STX8: variants seen among roughly 807,000 people sequenced by gnomAD.
STX8 encodes syntaxin 8.
STX8 carries 23 observed loss-of-function variants against 37.5 expected under a neutral mutation model. The observed-to-expected ratio is 0.61, with a 90% confidence interval of 0.44 to 0.87. The LOEUF is 0.87. Ranked by LOEUF, STX8 falls within the 40% of genes least tolerant of loss-of-function variation. The probability of loss-of-function intolerance (pLI) is 0.00; values close to 1 mark genes in which losing one functional copy is unlikely to be tolerated. For synonymous variants in STX8, 115 were observed against 99.1 expected (o/e 1.16, Z -0.95); for missense variants, 313 against 284.7 (o/e 1.10, Z -0.71).
chr17:9,455,958 T>C (rs544335341), intron 6 of STX8, among the ~76,000 whole-genome samples: 22 of 152,252 alleles, frequency 1.4e-4, no homozygotes, highest in Admixed American at 1.2e-3. Flanking sequence ...CCATCTGCAG[T>C]GTACAGCTCA....
intron 4 of STX8, among the ~76,000 whole-genome samples, chr17:9,534,134 G>A (rs887454623): frequency 2.4e-4 from 36 of 151,948 alleles, no homozygotes; most frequent in Admixed American, 1.6e-3. Flanking sequence ...AGAGAATTAA[G>A]AAAATGGCTT....
At chr17:9,504,760 G>A (rs1904755281) in intron 5 of STX8, among the ~76,000 whole-genome samples, 1 of 151,824 alleles carries the variant, frequency 6.6e-6, no homozygotes, top group Non-Finnish European at 1.5e-5. Context: ...AGATCATGAG[G>A]TCAGGAGATC....
At chr17:9,573,391 T>C (rs564191980) in intron 1 of STX8, among the ~76,000 whole-genome samples, 4 of 152,288 alleles carry the variant, frequency 2.6e-5, no homozygotes, top group African/African-American at 9.6e-5. Flanking sequence ...TTTCTATTGA[T>C]AATAACTCAA....
intron 6 of STX8, among the ~76,000 whole-genome samples, chr17:9,478,231 G>C (rs888063031): frequency 2.0e-5 from 3 of 152,174 alleles, no homozygotes; most frequent in African/African-American, 7.2e-5. Context: ...TGCTTCCCGG[G>C]TTCAAGTGAT....
intron 6 of STX8, among the ~76,000 whole-genome samples, chr17:9,445,488 G>C (rs906149536): frequency 7.6e-6 from 1 of 131,584 alleles, no homozygotes; most frequent in African/African-American, 2.9e-5. Context: ...AGTGGTGGCC[G>C]GGGAGGGGGG....
intron 7 of STX8, among the ~76,000 whole-genome samples, chr17:9,326,963 C>T (rs1292578060): frequency 1.3e-5 from 2 of 152,028 alleles, no homozygotes; most frequent in Non-Finnish European, 2.9e-5. Context: ...AGTTCAAGAC[C>T]AGCCTGACCA....
At chr17:9,345,848 C>CTTTTTTTTCTTTTTTTTT (rs1910513069) in intron 7 of STX8, among the ~76,000 whole-genome samples, 1 of 52,076 alleles carries the variant, frequency 1.9e-5, no homozygotes, top group Non-Finnish European at 3.4e-5. Context: ...TTATGCATTC[C>CTTTTTTTTCTTTTTTTTT]TTTTTTTTTT....
intron 7 of STX8, among the ~76,000 whole-genome samples, chr17:9,372,755 C>T (rs947335047): frequency 1.6e-4 from 24 of 147,470 alleles, no homozygotes; most frequent in African/African-American, 5.9e-4. Flanking sequence ...GGATTACAGG[C>T]ATGAGCCACC....
chr17:9,552,458 T>C (rs1429480195), intron 3 of STX8, among the ~76,000 whole-genome samples: 1 of 152,202 alleles, frequency 6.6e-6, no homozygotes, highest in African/African-American at 2.4e-5. Flanking sequence ...ACAGGGACAG[T>C]GTTTGAAAAC....
intron 6 of STX8, among the ~76,000 whole-genome samples, chr17:9,388,823 A>C (rs934771169): frequency 6.6e-6 from 1 of 151,908 alleles, no homozygotes; most frequent in Non-Finnish European, 1.5e-5. Context: ...AAAAAAAAAA[A>C]AAAAAACCAT....
At chr17:9,412,570 C>T (rs1336588027) in intron 6 of STX8, among the ~76,000 whole-genome samples, 2 of 152,190 alleles carry the variant, frequency 1.3e-5, no homozygotes, top group Admixed American at 6.5e-5. Context: ...TGAGCCACCA[C>T]ACCCGGCCTC....
At chr17:9,440,882 A>G (rs1306036996) in intron 6 of STX8, among the ~76,000 whole-genome samples, 1 of 152,010 alleles carries the variant, frequency 6.6e-6, no homozygotes, top group African/African-American at 2.4e-5. Flanking sequence ...TAATTTCCCA[A>G]CACTTGAAAT....
At chr17:9,514,587 CAA>C (rs1184282023) in intron 4 of STX8, among the ~76,000 whole-genome samples, 1 of 152,154 alleles carries the variant, frequency 6.6e-6, no homozygotes, top group African/African-American at 2.4e-5. Flanking sequence ...ACCTGGGCAA[CAA>C]AGTGAGGCTC....
intron 6 of STX8, among the ~76,000 whole-genome samples, chr17:9,477,867 G>A (rs909313808): frequency 6.6e-6 from 1 of 152,184 alleles, no homozygotes; most frequent in Admixed American, 6.5e-5. Context: ...GTGGGGAAGG[G>A]GGAAATTTTC....
intron 7 of STX8, among the ~76,000 whole-genome samples, chr17:9,297,241 C>CAAAAAAAAAAAAAAAA (rs112089232): frequency 2.2e-5 from 2 of 90,906 alleles, no homozygotes; most frequent in Admixed American, 1.2e-4. Context: ...CCAGAGTTTG[C>CAAAAAAAAAAAAAAAA]AAAAAAAAAA....
At chr17:9,252,313 A>G (rs1297911236) in intron 7 of STX8, among the ~76,000 whole-genome samples, 5 of 152,136 alleles carry the variant, frequency 3.3e-5, no homozygotes, top group South Asian at 2.1e-4. Context: ...GCGTGGTGGC[A>G]GGCGCCTGTA....
At chr17:9,468,545 A>C (rs1349217451) in intron 6 of STX8, among the ~76,000 whole-genome samples, 1 of 152,244 alleles carries the variant, frequency 6.6e-6, no homozygotes, top group Non-Finnish European at 1.5e-5. Context: ...CATACCTAAC[A>C]ATTTTCAAAT....
At chr17:9,531,170 C>G (rs1435985519) in intron 4 of STX8, among the ~76,000 whole-genome samples, 2 of 152,254 alleles carry the variant, frequency 1.3e-5, no homozygotes, top group East Asian at 1.9e-4. Context: ...TAACACCACA[C>G]TACAGCTTTG....
chr17:9,359,293 C>G (rs2142256752), intron 7 of STX8, among the ~76,000 whole-genome samples: 1 of 152,050 alleles, frequency 6.6e-6, no homozygotes, highest in Non-Finnish European at 1.5e-5. Flanking sequence ...AACTAAGGCT[C>G]TTGAGCCTGA....
Sources: allele counts gnomAD v4.1 joint callset (sites outside exome capture counted in the v4.1 genomes callset), GRCh38; gene constraint gnomAD v4.1.1; transcripts MANE v1.5; gene names NCBI Gene and HGNC (gene_info 2026-07-23, HGNC 2026-07-21).